Variants in VAV3 observed in about 807,000 individuals in gnomAD.
VAV3 encodes the protein guanine nucleotide exchange factor VAV3.
VAV3 carries 94 observed loss-of-function variants against 131.2 expected under a neutral mutation model. The observed-to-expected ratio is 0.72, with a 90% confidence interval of 0.61 to 0.85. The LOEUF is 0.85. Ranked by LOEUF, VAV3 falls within the 40% of genes least tolerant of loss-of-function variation. The pLI, the probability that VAV3 is intolerant of heterozygous loss-of-function variation, is 0.00. For missense variants in VAV3, 939 were observed against 1,002.7 expected (o/e 0.94, Z 0.86); for synonymous variants, 349 against 342.0 (o/e 1.02, Z -0.22).
At chr1:107,744,207 C>G (rs1032927044) in intron 15 of VAV3, among the ~76,000 whole-genome samples, 18 of 152,196 alleles carry the variant, frequency 1.2e-4, no homozygotes, top group African/African-American at 4.3e-4. Context: ...GTCCCACTAC[C>G]ATTAGTCCTT....
chr1:107,742,048 C>T (rs944104332), intron 15 of VAV3, among the ~76,000 whole-genome samples: 2 of 152,310 alleles, frequency 1.3e-5, no homozygotes, highest in Middle Eastern at 3.4e-3. Flanking sequence ...AAGAGAAATA[C>T]TCATCTATGG....
At chr1:107,710,288 AG>A (rs1188745571) in intron 15 of VAV3, among the ~76,000 whole-genome samples, 1 of 152,196 alleles carries the variant, frequency 6.6e-6, no homozygotes, top group Non-Finnish European at 1.5e-5. Flanking sequence ...GCAATTATGT[AG>A]TATACATAAA....
At chr1:107,793,573 G>A (rs1333533145) in intron 2 of VAV3, among the ~76,000 whole-genome samples, 2 of 152,156 alleles carry the variant, frequency 1.3e-5, no homozygotes, top group African/African-American at 4.8e-5. Context: ...CGGCTGAGTG[G>A]CAGACACAAT....
chr1:107,718,403 T>C (rs980870126), intron 15 of VAV3, among the ~76,000 whole-genome samples: 10 of 152,100 alleles, frequency 6.6e-5, no homozygotes, highest in African/African-American at 9.7e-5. Flanking sequence ...AGCATTCCTA[T>C]ACACCAATTA....
intron 2 of VAV3, among the ~76,000 whole-genome samples, chr1:107,832,498 A>G (rs1023826946): frequency 6.6e-6 from 1 of 152,194 alleles, no homozygotes; most frequent in African/African-American, 2.4e-5. Context: ...ACTGCCTTCT[A>G]TTTCTTCATG....
At chr1:107,895,660 A>T (rs556744019) in intron 1 of VAV3, among the ~76,000 whole-genome samples, 1 of 152,284 alleles carries the variant, frequency 6.6e-6, no homozygotes, top group African/African-American at 2.4e-5. Flanking sequence ...GGAAAGAAAA[A>T]CTGGTATTAT....
At chr1:107,621,921 C>G (rs1426473821) in intron 20 of VAV3, among the ~76,000 whole-genome samples, 3 of 152,090 alleles carry the variant, frequency 2.0e-5, no homozygotes, top group East Asian at 3.8e-4. Context: ...TCTAACAGTA[C>G]AGGTTGGGTC....
At chr1:107,860,272 C>T (rs1669676315) in intron 2 of VAV3, among the ~76,000 whole-genome samples, 1 of 152,042 alleles carries the variant, frequency 6.6e-6, no homozygotes, top group Non-Finnish European at 1.5e-5. Flanking sequence ...ACATGCATGG[C>T]ACCACACCTG....
At chr1:107,864,988 C>T (rs1323334968) in intron 2 of VAV3, among the ~76,000 whole-genome samples, 1 of 152,132 alleles carries the variant, frequency 6.6e-6, no homozygotes, top group Admixed American at 6.6e-5. Flanking sequence ...AGCCTTACCC[C>T]CTGCCCCACA....
intron 2 of VAV3, among the ~76,000 whole-genome samples, chr1:107,872,678 T>C (rs1429603114): frequency 6.6e-6 from 1 of 152,182 alleles, no homozygotes; most frequent in Non-Finnish European, 1.5e-5. Context: ...TCCCTCAATA[T>C]ATGCAAAGTA....
intron 1 of VAV3, among the ~76,000 whole-genome samples, chr1:107,957,328 C>T (rs548710053): frequency 1.3e-5 from 2 of 152,284 alleles, no homozygotes; most frequent in African/African-American, 4.8e-5. Context: ...CTGGCCTTAT[C>T]TTCTGTTGAA....
At chr1:107,654,957 A>G (rs753350431) in intron 19 of VAV3, among the ~76,000 whole-genome samples, 1 of 152,146 alleles carries the variant, frequency 6.6e-6, no homozygotes, top group African/African-American at 2.4e-5. Context: ...TGTTAAAATA[A>G]TAACAAATTG....
At chr1:107,589,478 A>G (rs531034255) in intron 25 of VAV3, among the ~76,000 whole-genome samples, 11 of 152,174 alleles carry the variant, frequency 7.2e-5, no homozygotes, top group Non-Finnish European at 1.5e-4. Flanking sequence ...CATGGGAGGG[A>G]TTCTCCCTCA....
intron 1 of VAV3, 57 bp from the exon 2 acceptor site, chr1:107,875,074 C>T: frequency 7.1e-7 from 1 of 1,409,974 alleles, no homozygotes; most frequent in Non-Finnish European, 1.0e-6. Flanking sequence ...TGCTATCCAC[C>T]CTCTGTAACA....
intron 17 of VAV3, chr1:107,688,652 T>C: frequency 1.0e-6 from 1 of 994,142 alleles, no homozygotes; most frequent in Non-Finnish European, 1.4e-6. Context: ...CTTAACTTTT[T>C]CCATTGTTTA....
rs546883369 is a variant in VAV3, at chr1:107,731,863, G to C, written c.1502+17105C>G. Among the ~76,000 whole-genome samples, 3 of 152,300 alleles carry C rather than the reference G, an allele frequency of 2.0e-5. No homozygotes were observed. The South Asian group carries it at 6.2e-4, about 32-fold the overall frequency. ...AGTTTCTGAAGATTTTGACCATTAT[G>C]AAAAGGTATTCAGAATCGATGGGAA... On this transcript the variant is annotated intron_variant, in intron 15 of 26. Coordinates refer to ENST00000370056, the MANE Select transcript of VAV3 (RefSeq NM_006113.5).
At chr1:107,822,618 G>A (rs1404465874) in intron 2 of VAV3, among the ~76,000 whole-genome samples, 1 of 151,700 alleles carries the variant, frequency 6.6e-6, no homozygotes, top group Non-Finnish European at 1.5e-5. Flanking sequence ...TCGTGCCACT[G>A]CACTCCAGCC....
chr1:107,730,629 C>T (rs1662180297), intron 15 of VAV3, among the ~76,000 whole-genome samples: 1 of 152,120 alleles, frequency 6.6e-6, no homozygotes, highest in Non-Finnish European at 1.5e-5. Flanking sequence ...CAAAAATTAT[C>T]CTTACAGATG....
At chr1:107,777,400 T>C in intron 3 of VAV3, 104 bp from the exon 4 acceptor site, 4 of 1,026,358 alleles carry the variant, frequency 3.9e-6, no homozygotes, top group South Asian at 1.3e-5. Flanking sequence ...AGTTGTCTGC[T>C]GCCAAAATGG....
Sources: gnomAD v4.1 joint callset for allele counts (sites outside exome capture counted in the v4.1 genomes callset) on GRCh38, gnomAD v4.1.1 for gene constraint, MANE v1.5 for transcripts, NCBI Gene and HGNC (gene_info 2026-07-23, HGNC 2026-07-21) for gene names.